DCHS2: variants seen among roughly 807,000 people sequenced by gnomAD.
DCHS2 encodes protocadherin-23.
Under a neutral mutation model 182.4 loss-of-function variants are expected in DCHS2, and 142 were observed. The ratio of observed to expected loss-of-function variants is 0.78; its 90% CI spans 0.68 to 0.89. The LOEUF is 0.89. DCHS2 is among the 40% of genes least tolerant of loss of function. The pLI, the probability that DCHS2 is intolerant of heterozygous loss-of-function variation, is 0.00. For missense variants in DCHS2, 4,319 were observed against 4,198.6 expected, an observed-to-expected ratio of 1.03 and a Z score of -0.79; for synonymous variants, 1,740 against 1,663.3, an observed-to-expected ratio of 1.05 and a Z score of -1.12.
intron 1 of DCHS2, among the ~76,000 whole-genome samples, chr4:154,426,383 C>T (rs1049501883): frequency 6.6e-6 from 1 of 152,148 alleles, no homozygotes; most frequent in Non-Finnish European, 1.5e-5. Context: ...TTAAAGTCAC[C>T]TGTTTTCTCA....
chr4:154,481,318 G>T (rs1735910966), intron 1 of DCHS2, among the ~76,000 whole-genome samples: 2 of 152,146 alleles, frequency 1.3e-5, no homozygotes, highest in African/African-American at 2.4e-5. Context: ...CTGGGGTGCA[G>T]TGGCGCAATC....
In DCHS2 at chr4:154,360,718, G is replaced by A. The variant is rs181246178; in HGVS notation, c.2476+5492C>T. On this transcript the variant is annotated intron_variant, in intron 3 of 19. Coordinates refer to ENST00000357232, the MANE Select transcript of DCHS2 (RefSeq NM_001358235.2). ...CCCTTGAAATACAGAAAACAAGTCT[G>A]TACTACATTACTTACAGTCTATGTT... Among the ~76,000 whole-genome samples the A allele has an allele frequency of 8.0e-4, 122 of 152,224 alleles. No individual in the cohort carries two copies. In the Middle Eastern group the frequency reaches 0.01, roughly 13 times the overall value.
rs866963796 is a variant in DCHS2, at chr4:154,235,765, G to T, written c.8887C>A (p.Pro2963Thr). 28 of 1,613,894 alleles carry T rather than the reference G, an allele frequency of 1.7e-5. No homozygotes were observed. Among genetic ancestry groups the T allele is most frequent in the Non-Finnish European group, 2.4e-5 (28 of 1,179,870 alleles). ...TLEMKIIAHSPKSDSKFASCT... is the reference protein window; with the variant it reads ...TLEMKIIAHSTKSDSKFASCT... ...GATGCAAACTTGGAATCTGATTTGG[G>T]ACTATGAGCGATTATTTTCATTTCC... The change falls in exon 20 of 20, where the codon CCC becomes ACC. Residue 2963 changes from proline to threonine, a missense_variant. Transcript: ENST00000357232.
At chr4:154,272,464 G>A (rs1254559783) in intron 13 of DCHS2, among the ~76,000 whole-genome samples, 3 of 152,044 alleles carry the variant, frequency 2.0e-5, no homozygotes, top group Non-Finnish European at 2.9e-5. Context: ...ACGTGTCAAG[G>A]GAGGCACCAG....
intron 14 of DCHS2, 107 bp from the exon 15 acceptor site, chr4:154,259,863 C>T (rs1472853936): frequency 7.0e-6 from 9 of 1,288,694 alleles, no homozygotes; most frequent in Non-Finnish European, 9.2e-6. Flanking sequence ...CGCACTGTCG[C>T]CCAGGCTGGA....
intron 1 of DCHS2, among the ~76,000 whole-genome samples, chr4:154,411,368 G>A (rs1467085512): frequency 6.6e-6 from 1 of 152,164 alleles, no homozygotes; most frequent in Non-Finnish European, 1.5e-5. Context: ...GGAGGCCGAG[G>A]TGGGTGGATC....
intron 13 of DCHS2, among the ~76,000 whole-genome samples, chr4:154,292,741 G>A (rs948863019): frequency 6.6e-6 from 1 of 152,062 alleles, no homozygotes; most frequent in Non-Finnish European, 1.5e-5. Flanking sequence ...AGGTAATGCT[G>A]TTCCCAACTC....
chr4:154,309,964 T>C (rs1390523872), intron 10 of DCHS2, among the ~76,000 whole-genome samples: 3 of 152,150 alleles, frequency 2.0e-5, no homozygotes, highest in African/African-American at 2.4e-5. Context: ...AACCTGTAAC[T>C]CAAGTCATGG....
rs550134895 is a variant in DCHS2, at chr4:154,374,071, C to A, written c.2244+3182G>T. On this transcript the variant is annotated intron_variant, in intron 2 of 19. Coordinates refer to ENST00000357232, the MANE Select transcript of DCHS2 (RefSeq NM_001358235.2). ...TATATCTACAATACCAGAAAAGACA[C>A]CTGGATTAAAGTCAAAATTCCCAAT... 215 of 909,540 alleles carry A rather than the reference C, an allele frequency of 2.4e-4. 8 individuals carry two copies. In the South Asian group the frequency reaches 3.5e-3, roughly 15 times the overall value. 56.3% of individuals were successfully genotyped at this position (909,540 alleles called of 1,614,324 possible). A position where few individuals can be genotyped will look rare whatever the true frequency, so the allele number is the denominator to read the frequency against.
intron 13 of DCHS2, among the ~76,000 whole-genome samples, chr4:154,292,675 T>C (rs559851820): frequency 1.3e-5 from 2 of 152,298 alleles, no homozygotes; most frequent in East Asian, 3.9e-4. Flanking sequence ...AGACATGCCT[T>C]CCTTTCTCCC....
chr4:154,257,641 G>A (rs891365803), intron 15 of DCHS2, among the ~76,000 whole-genome samples: 1 of 152,122 alleles, frequency 6.6e-6, no homozygotes, highest in African/African-American at 2.4e-5. Flanking sequence ...GAGTTTGTGG[G>A]GCTGTAACCA....
intron 16 of DCHS2, among the ~76,000 whole-genome samples, chr4:154,252,819 A>G (rs1732446312): frequency 6.6e-6 from 1 of 152,132 alleles, no homozygotes; most frequent in African/African-American, 2.4e-5. Flanking sequence ...TTTAGTGGGT[A>G]TACATCTAGG....
At chr4:154,356,004 A>C (rs1191454783) in intron 3 of DCHS2, among the ~76,000 whole-genome samples, 1 of 152,276 alleles carries the variant, frequency 6.6e-6, no homozygotes, top group Admixed American at 6.5e-5. Context: ...TGAAAAAAGA[A>C]GTTAATTGTA....
chr4:154,416,222 G>A (rs1283985796), intron 1 of DCHS2, among the ~76,000 whole-genome samples: 1 of 152,074 alleles, frequency 6.6e-6, no homozygotes, highest in Admixed American at 6.5e-5. Context: ...GCCCAGAGAC[G>A]GGGGACAGGA....
intron 14 of DCHS2, among the ~76,000 whole-genome samples, chr4:154,268,429 G>A (rs968964779): frequency 2.0e-5 from 3 of 152,194 alleles, no homozygotes; most frequent in African/African-American, 7.2e-5. Flanking sequence ...GTACAGTGTG[G>A]AGACCCTGGA....
chr4:154,255,687 G>A lies in DCHS2; in HGVS notation c.6790-17C>T, dbSNP rs1322481577. The A allele has an allele frequency of 8.1e-6, 13 of 1,608,842 alleles. No individual in the cohort carries two copies. Among genetic ancestry groups the A allele is most frequent in the Non-Finnish European group, 1.1e-5 (13 of 1,177,596 alleles). On this transcript the variant is annotated splice_polypyrimidine_tract_variant and intron_variant, in intron 15 of 19. Transcript: ENST00000357232. ...AGCAAAAACCTGTGAGGAACCGACT[G>A]TTTCATTAGATAAGATTTATTCTGC...
chr4:154,455,596 A>G (rs1200347086), intron 1 of DCHS2, among the ~76,000 whole-genome samples: 1 of 152,268 alleles, frequency 6.6e-6, no homozygotes, highest in African/African-American at 2.4e-5. Context: ...TTAGTGATTT[A>G]GATGAAACTT....
At chr4:154,245,327 A>G (rs1732022756) in intron 16 of DCHS2, among the ~76,000 whole-genome samples, 1 of 152,164 alleles carries the variant, frequency 6.6e-6, no homozygotes, top group Admixed American at 6.6e-5. Flanking sequence ...GAAACTGACC[A>G]GATTTAGAAC....
At chr4:154,473,417 T>G (rs1735555809) in intron 1 of DCHS2, among the ~76,000 whole-genome samples, 1 of 152,218 alleles carries the variant, frequency 6.6e-6, no homozygotes, top group South Asian at 2.1e-4. Context: ...CTATCAAGAA[T>G]AATGGACTCT....
Sources: allele counts gnomAD v4.1 joint callset (sites outside exome capture counted in the v4.1 genomes callset), GRCh38; gene constraint gnomAD v4.1.1; transcripts MANE v1.5; gene names NCBI Gene and HGNC (gene_info 2026-07-23, HGNC 2026-07-21).